Variants in SOX5 observed in about 807,000 individuals in gnomAD.
The protein encoded by SOX5 is transcription factor SOX-5.
Under a neutral mutation model 92.0 loss-of-function variants are expected in SOX5, and 9 were observed. That is an observed-to-expected ratio of 0.10 (90% CI 0.06 to 0.17). The LOEUF (loss-of-function observed/expected upper bound fraction) is 0.17, where lower values mean the gene tolerates loss of function less well. Among genes scored for constraint, SOX5 ranks in the 10% least tolerant of loss-of-function variants. The probability of loss-of-function intolerance (pLI) is 1.00; values close to 1 mark genes in which losing one functional copy is unlikely to be tolerated. For synonymous variants in SOX5, 344 were observed against 336.3 expected (o/e 1.02, Z -0.25); for missense variants, 642 against 944.5 (o/e 0.68, Z 4.20).
intron 2 of SOX5, among the ~76,000 whole-genome samples, chr12:24,366,917 A>G (rs1956230705): frequency 6.6e-6 from 1 of 152,112 alleles, no homozygotes; most frequent in African/African-American, 2.4e-5. Context: ...AGAGAAAGCA[A>G]ATGGGTAGAG....
At chr12:23,623,909 A>G (rs549609941) in intron 8 of SOX5, among the ~76,000 whole-genome samples, 1 of 152,288 alleles carries the variant, frequency 6.6e-6, no homozygotes, top group South Asian at 2.1e-4. Flanking sequence ...AGCATTCGTC[A>G]TAATAGCCCA....
At chr12:23,657,659 G>A (rs16926532) in intron 7 of SOX5, among the ~76,000 whole-genome samples, 1 of 151,872 alleles carries the variant, frequency 6.6e-6, no homozygotes, top group Admixed American at 6.6e-5. Context: ...CTGTTACTGA[G>A]ATGAAATTCC....
Position 24,052,999 on chromosome 12 carries a change from A to C in SOX5, c.-1-156975T>G, listed in dbSNP as rs147072107. ...TGTCCCATCTTATAACTATTGTTAG[A>C]TCATTTTCTGCTGCTATGTTCTCCT... On this transcript the variant is annotated intron_variant, in intron 4 of 4. Transcript: ENST00000446891. 6.0e-3 allele frequency among the ~76,000 whole-genome samples: 917 copies of C among 152,320 alleles called. 10 individuals are homozygous for C. Among genetic ancestry groups the C allele is most frequent in the South Asian group, 0.034 (166 of 4,822 alleles).
intron 2 of SOX5, among the ~76,000 whole-genome samples, chr12:24,312,633 A>G (rs1173701628): frequency 6.6e-6 from 1 of 152,212 alleles, no homozygotes; most frequent in East Asian, 1.9e-4. Context: ...CTTTATCTAC[A>G]ATTAGCAGGT....
chr12:23,951,013 G>C (rs777323131), upstream of SOX5: 3 of 696,474 alleles, frequency 4.3e-6, no homozygotes, highest in Non-Finnish European at 7.4e-6. Flanking sequence ...ACTCACTCAC[G>C]CACGCTCTCC....
intron 3 of SOX5, among the ~76,000 whole-genome samples, chr12:23,829,564 C>T (rs1206386133): frequency 6.6e-6 from 1 of 152,092 alleles, no homozygotes; most frequent in East Asian, 1.9e-4. Context: ...GTCAATGGGC[C>T]TTCTTTAAGT....
intron 2 of SOX5, among the ~76,000 whole-genome samples, chr12:23,895,467 A>G (rs2097167800): frequency 6.6e-6 from 1 of 152,180 alleles, no homozygotes; most frequent in African/African-American, 2.4e-5. Flanking sequence ...TTTATTAGAA[A>G]AAGTATGACA....
At chr12:24,179,165 C>T (rs1955177343) in intron 4 of SOX5, among the ~76,000 whole-genome samples, 1 of 152,132 alleles carries the variant, frequency 6.6e-6, no homozygotes, top group South Asian at 2.1e-4. Flanking sequence ...AAACATTTAA[C>T]ATTGTAGAGC....
At chr12:24,023,552 C>G (rs756509949) in intron 4 of SOX5, among the ~76,000 whole-genome samples, 1 of 152,056 alleles carries the variant, frequency 6.6e-6, no homozygotes, top group African/African-American at 2.4e-5. Flanking sequence ...TCAAATTACA[C>G]TCAACAAAAT....
intron 1 of SOX5, among the ~76,000 whole-genome samples, chr12:24,489,080 G>A (rs1436518789): frequency 4.6e-5 from 7 of 152,214 alleles, no homozygotes; most frequent in African/African-American, 1.4e-4. Context: ...TCTAACTTAC[G>A]GGACCAATGT....
At chr12:24,089,535 T>C (rs922382069) in intron 4 of SOX5, among the ~76,000 whole-genome samples, 1 of 152,102 alleles carries the variant, frequency 6.6e-6, no homozygotes, top group Non-Finnish European at 1.5e-5. Flanking sequence ...TATAATCAAA[T>C]AGAAAAATTA....
chr12:24,307,818 T>C (rs988795039), intron 2 of SOX5, among the ~76,000 whole-genome samples: 2 of 140,642 alleles, frequency 1.4e-5, no homozygotes, highest in Non-Finnish European at 3.1e-5. Context: ...GAAGTTAGTT[T>C]GTACTTCAAG....
chr12:24,267,573 T>C (rs1943178307), intron 3 of SOX5, among the ~76,000 whole-genome samples: 1 of 152,150 alleles, frequency 6.6e-6, no homozygotes, highest in African/African-American at 2.4e-5. Context: ...TGATAAATAA[T>C]CTAGAATTTC....
intron 8 of SOX5, among the ~76,000 whole-genome samples, chr12:23,628,654 T>G (rs958440324): frequency 1.3e-5 from 2 of 151,996 alleles, no homozygotes; most frequent in African/African-American, 4.8e-5. Flanking sequence ...GAGTACGGCA[T>G]TAAGAGAAAG....
rs865984911 is a variant in SOX5 at position 24,199,250 on chromosome 12, T to C, written c.-2+14093A>G. 7.9e-5 allele frequency among the ~76,000 whole-genome samples: 12 copies of C among 152,196 alleles called. No individual in the cohort carries two copies. In the South Asian group the frequency reaches 1.0e-3, roughly 13 times the overall value. ...ACAATGCGTCTGTTCCAGAATAAGA[T>C]AGGTGAGGGCTGGAAAGTAGACATC... On this transcript the variant is annotated intron_variant, in intron 4 of 4. Transcript: ENST00000446891.
chr12:23,817,784 C>T (rs1481252103), intron 3 of SOX5, among the ~76,000 whole-genome samples: 1 of 152,210 alleles, frequency 6.6e-6, no homozygotes, highest in Non-Finnish European at 1.5e-5. Context: ...TGTGCTTCCT[C>T]ACTCACACTC....
chr12:23,643,916 T>C (rs1384154040), intron 7 of SOX5, among the ~76,000 whole-genome samples: 2 of 152,100 alleles, frequency 1.3e-5, no homozygotes, highest in Admixed American at 6.5e-5. Context: ...ACCTGGAGTT[T>C]CTTGGAAATG....
rs144589517 is a variant in SOX5, at chr12:23,568,514, G to A, written c.1343-5111C>T. On this transcript the variant is annotated intron_variant, in intron 10 of 14. Transcript: ENST00000451604. ...AACCCTTCCAGATTGCCAGATACATGTATCTGTTTATTGACTAAGCTTCTC... is the reference window on the plus strand; with the variant it reads ...AACCCTTCCAGATTGCCAGATACATATATCTGTTTATTGACTAAGCTTCTC... Among the ~76,000 whole-genome samples, 577 of 152,230 alleles carry A rather than the reference G, an allele frequency of 3.8e-3. 6 individuals carry two copies. Among genetic ancestry groups the A allele is most frequent in the African/African-American group, 0.013 (547 of 41,554 alleles).
rs1569346483 is a variant in SOX5 at position 23,975,346 on chromosome 12, T to TAA, written c.-1-79323_-1-79322insTT. Among the ~76,000 whole-genome samples, 37 of 151,712 alleles carry TAA rather than the reference T, an allele frequency of 2.4e-4. 1 individual carries two copies. The highest frequency in any genetic ancestry group is 7.5e-4 in the African/African-American group (31 of 41,096). ...TGATATATAATATGATATACTTTTT[T>TAA]TAAAAAAAAAAATTAAGTGTAAAGC... On this transcript the variant is annotated intron_variant, in intron 4 of 4. Transcript: ENST00000446891.
Sources: gnomAD v4.1 joint callset for allele counts (sites outside exome capture counted in the v4.1 genomes callset) on GRCh38, gnomAD v4.1.1 for gene constraint, MANE v1.5 for transcripts, NCBI Gene and HGNC (gene_info 2026-07-23, HGNC 2026-07-21) for gene names.